MTHFD1L: variants seen among roughly 807,000 people sequenced by gnomAD.
MTHFD1L encodes the protein monofunctional C1-tetrahydrofolate synthase, mitochondrial.
MTHFD1L carries 81 observed loss-of-function variants against 119.5 expected under a neutral mutation model. The observed-to-expected ratio is 0.68, with a 90% confidence interval of 0.57 to 0.82. The LOEUF (loss-of-function observed/expected upper bound fraction) is 0.82. Among genes scored for constraint, MTHFD1L ranks in the 40% least tolerant of loss-of-function variants. The probability of loss-of-function intolerance (pLI) is 0.00; values close to 1 mark genes in which losing one functional copy is unlikely to be tolerated. For missense variants in MTHFD1L, 1,125 were observed against 1,253.4 expected (o/e 0.90, Z 1.55); for synonymous variants, 430 against 475.2 (o/e 0.90, Z 1.24).
At chr6:150,879,038 A>G (rs183542407) in intron 4 of MTHFD1L, among the ~76,000 whole-genome samples, 18 of 152,272 alleles carry the variant, frequency 1.2e-4, no homozygotes, top group East Asian at 1.9e-4. Flanking sequence ...ACTGCAAAGG[A>G]GGCTGGGAAG....
chr6:150,949,844 G>T (rs1380843528), intron 16 of MTHFD1L, among the ~76,000 whole-genome samples: 1 of 152,112 alleles, frequency 6.6e-6, no homozygotes. Context: ...GCATGATCTC[G>T]AGCAGGTCGC....
At chr6:150,956,921 C>T (rs1297193847) in intron 17 of MTHFD1L, among the ~76,000 whole-genome samples, 1 of 152,140 alleles carries the variant, frequency 6.6e-6, no homozygotes, top group African/African-American at 2.4e-5. Context: ...AACTTACACA[C>T]ACACACACAA....
intron 24 of MTHFD1L, among the ~76,000 whole-genome samples, chr6:151,030,940 G>T (rs907554173): frequency 2.0e-5 from 3 of 152,204 alleles, no homozygotes; most frequent in Non-Finnish European, 4.4e-5. Context: ...CAGCAACCTG[G>T]GAGGCCAATG....
intron 24 of MTHFD1L, among the ~76,000 whole-genome samples, chr6:151,021,664 A>G (rs1324554001): frequency 6.6e-6 from 1 of 152,214 alleles, no homozygotes; most frequent in Non-Finnish European, 1.5e-5. Context: ...CTGTAACTCA[A>G]GGTAACTTTG....
At chr6:151,017,044 G>A (rs966752119) in intron 24 of MTHFD1L, among the ~76,000 whole-genome samples, 3 of 151,590 alleles carry the variant, frequency 2.0e-5, no homozygotes, top group Non-Finnish European at 4.4e-5. Context: ...CAGAGTGCTA[G>A]GGTTGCAGGC....
chr6:151,006,642 A>G (rs562772076), intron 20 of MTHFD1L, among the ~76,000 whole-genome samples: 2 of 152,098 alleles, frequency 1.3e-5, no homozygotes, highest in African/African-American at 4.8e-5. Flanking sequence ...TTTCATTAAT[A>G]TATTTGTGTC....
At chr6:150,979,496 T>A (rs149270913) in intron 20 of MTHFD1L, among the ~76,000 whole-genome samples, 4,205 of 152,224 alleles carry the variant, frequency 0.028, 205 homozygotes, top group Admixed American at 0.14. Context: ...GACAGTTTTT[T>A]AATTTTTTTA....
intron 1 of MTHFD1L, chr6:150,866,253 T>G (rs1778278442): frequency 1.4e-6 from 2 of 1,430,306 alleles, no homozygotes; most frequent in African/African-American, 3.0e-5. Context: ...GGGGATCCAG[T>G]ACCCGACCGG....
chr6:151,039,839 C>T lies in MTHFD1L; in HGVS notation c.2847+2722C>T, dbSNP rs189272085. On this transcript the variant is annotated intron_variant, in intron 26 of 27. Coordinates refer to ENST00000367321, the MANE Select transcript of MTHFD1L (RefSeq NM_015440.5). This position sits in a 1 kb window ranked among gnomAD's most constrained non-coding sequence, Gnocchi z 4.4. ...CTGAGGCAGGAGAATCGCTTGAACC[C>T]GGGAGGCAGAAGTTGCAGTAAGCCA... Among the ~76,000 whole-genome samples, 9 of 152,192 alleles carry T rather than the reference C, an allele frequency of 5.9e-5. No individual in the cohort carries two copies. Among genetic ancestry groups the T allele is most frequent in the Admixed American group, 2.0e-4 (3 of 15,294 alleles).
At chr6:150,935,132 A>C in intron 11 of MTHFD1L, 1 of 1,613,744 alleles carries the variant, frequency 6.2e-7, no homozygotes, top group Admixed American at 1.7e-5. Flanking sequence ...AGGATTTAAC[A>C]CTGAGAAAAT....
chr6:151,067,237 C>T (rs1041816829), intron 26 of MTHFD1L, among the ~76,000 whole-genome samples: 5 of 150,718 alleles, frequency 3.3e-5, no homozygotes, highest in African/African-American at 9.8e-5. Context: ...CATGAGCCAC[C>T]GCTCCCGGCC....
At chr6:150,934,805 G>A (rs1415252536) in intron 11 of MTHFD1L, among the ~76,000 whole-genome samples, 1 of 152,202 alleles carries the variant, frequency 6.6e-6, no homozygotes, top group African/African-American at 2.4e-5. Context: ...AAGCTGGAAG[G>A]ACGTGGGGTG....
chr6:150,925,551 A>G (rs185555184), intron 10 of MTHFD1L, among the ~76,000 whole-genome samples: 9 of 152,336 alleles, frequency 5.9e-5, no homozygotes, highest in African/African-American at 1.7e-4. Context: ...CAGTTATGTA[A>G]TTAATAAAAC....
At chr6:150,964,767 C>G (rs576941152) in intron 18 of MTHFD1L, among the ~76,000 whole-genome samples, 6 of 152,206 alleles carry the variant, frequency 3.9e-5, no homozygotes, top group Non-Finnish European at 4.4e-5. Context: ...TACCCCATCA[C>G]CATTCACATC....
At chr6:150,872,436 T>G (rs1779699954) in intron 1 of MTHFD1L, among the ~76,000 whole-genome samples, 1 of 152,138 alleles carries the variant, frequency 6.6e-6, no homozygotes, top group Non-Finnish European at 1.5e-5. Flanking sequence ...TTCAATATTG[T>G]TGTTTCTCAG....
chr6:150,885,875 C>G lies in MTHFD1L; in HGVS notation c.643+141C>G. On this transcript the variant is annotated intron_variant, in intron 6 of 27. Transcript: ENST00000367321. ...CCTTTTAGGATGTTTCTAGAAGATT[C>G]TAATTGAACATAGAAGTGATATTTC... 4.9e-6 allele frequency: 3 copies of G among 615,508 alleles called. No homozygotes were observed. In the South Asian group the frequency reaches 7.7e-5, roughly 16 times the overall value. The allele number at this position is 615,508 out of a possible 1,614,324, so 38.1% of individuals were successfully genotyped here. A position where few individuals can be genotyped will look rare whatever the true frequency, so the allele number is the denominator to read the frequency against.
chr6:150,984,189 G>A (rs1777935576), intron 20 of MTHFD1L, among the ~76,000 whole-genome samples: 1 of 152,174 alleles, frequency 6.6e-6, no homozygotes, highest in Non-Finnish European at 1.5e-5. Context: ...CTGGATTAGA[G>A]GCAGGTAGGT....
chr6:150,990,005 G>T (rs1203987028), intron 20 of MTHFD1L, among the ~76,000 whole-genome samples: 1 of 152,184 alleles, frequency 6.6e-6, no homozygotes, highest in Non-Finnish European at 1.5e-5. Context: ...AAGGCCGGGC[G>T]CAGTGGCTCA....
At chr6:151,077,660 G>A (rs1286394225) in intron 26 of MTHFD1L, among the ~76,000 whole-genome samples, 1 of 151,966 alleles carries the variant, frequency 6.6e-6, no homozygotes, top group South Asian at 2.1e-4. Context: ...TAGCCTGGGC[G>A]GCAGAGTGAA....
Sources: allele counts gnomAD v4.1 joint callset (sites outside exome capture counted in the v4.1 genomes callset), GRCh38; gene constraint gnomAD v4.1.1; non-coding constraint Gnocchi (gnomAD v3.1); transcripts MANE v1.5; gene names NCBI Gene and HGNC (gene_info 2026-07-23, HGNC 2026-07-21).